DCC: variants seen among roughly 807,000 people sequenced by gnomAD.
The protein encoded by DCC is DCC netrin 1 receptor.
Under a neutral mutation model 172.5 loss-of-function variants are expected in DCC, and 58 were observed. The ratio of observed to expected loss-of-function variants is 0.34; its 90% confidence interval spans 0.27 to 0.42. The LOEUF (loss-of-function observed/expected upper bound fraction) is 0.42, where lower values mean the gene tolerates loss of function less well. Ranked by LOEUF, DCC falls within the 10% of genes least tolerant of loss-of-function variation. The pLI is 1.00. For missense variants in DCC, 1,740 were observed against 1,791.0 expected, an observed-to-expected ratio of 0.97 and a Z score of 0.51; for synonymous variants, 709 against 644.5, an observed-to-expected ratio of 1.10 and a Z score of -1.52.
chr18:52,757,851 G>T (rs144169646), intron 2 of DCC, among the ~76,000 whole-genome samples: 1 of 152,174 alleles, frequency 6.6e-6, no homozygotes, highest in Non-Finnish European at 1.5e-5. Context: ...AAAGCTAAGA[G>T]CTCTATGGCC....
chr18:53,460,641 T>C (rs1364510324), intron 24 of DCC, among the ~76,000 whole-genome samples: 2 of 151,872 alleles, frequency 1.3e-5, no homozygotes, highest in African/African-American at 4.8e-5. Flanking sequence ...TAGTATTCCA[T>C]GGTGTATATG....
chr18:53,051,051 A>G (rs1225290511), intron 5 of DCC, among the ~76,000 whole-genome samples: 2 of 152,076 alleles, frequency 1.3e-5, no homozygotes, highest in Admixed American at 6.6e-5. Flanking sequence ...GCAACATAGT[A>G]GATGCCATCT....
intron 13 of DCC, among the ~76,000 whole-genome samples, chr18:53,315,794 C>T (rs558371510): frequency 7.2e-5 from 11 of 152,088 alleles, no homozygotes; most frequent in Non-Finnish European, 1.3e-4. Context: ...ATATCCATTG[C>T]CCACTTTTTG....
chr18:52,725,007 G>A (rs1448384897), intron 1 of DCC, among the ~76,000 whole-genome samples: 3 of 152,188 alleles, frequency 2.0e-5, no homozygotes, highest in Non-Finnish European at 2.9e-5. Context: ...AGCTAACTAT[G>A]AGGGTTATTT....
At chr18:53,160,705 C>T (rs1019807358) in intron 8 of DCC, among the ~76,000 whole-genome samples, 1 of 152,156 alleles carries the variant, frequency 6.6e-6, no homozygotes, top group African/African-American at 2.4e-5. Context: ...CTCACATACG[C>T]TCCTAATGAT....
At position 53,342,857 on chromosome 18, in the gene DCC, T is replaced by A. The variant is rs967013239; in HGVS notation, c.2359+2950T>A. On this transcript the variant is annotated intron_variant, in intron 15 of 28. Coordinates refer to ENST00000442544, the MANE Select transcript of DCC (RefSeq NM_005215.4). ...TTGAATATTCCTAAATATATATACA[T>A]ATGTATATTATATATATTTGAATTA... Among the ~76,000 whole-genome samples, 5 of 147,744 alleles carry A rather than the reference T, an allele frequency of 3.4e-5. No individual in the cohort carries two copies. The East Asian group carries it at 1.0e-3, about 29-fold the overall frequency.
At chr18:53,225,868 TTTTTC>T (rs2056019721) in intron 12 of DCC, among the ~76,000 whole-genome samples, 1 of 152,038 alleles carries the variant, frequency 6.6e-6, no homozygotes, top group African/African-American at 2.4e-5. Flanking sequence ...CAGTTTGATG[TTTTTC>T]CAGGGAAGAA....
chr18:53,481,161 C>A (rs775452270), intron 25 of DCC: 3 of 152,180 alleles, frequency 2.0e-5, no homozygotes, highest in South Asian at 2.1e-4. Flanking sequence ...GACATACCAT[C>A]ATTTCTGCCA....
chr18:52,900,704 G>A (rs1408964888), intron 2 of DCC, among the ~76,000 whole-genome samples: 1 of 152,160 alleles, frequency 6.6e-6, no homozygotes, highest in Non-Finnish European at 1.5e-5. Flanking sequence ...GTTAATGCAT[G>A]GAGATACAGA....
chr18:52,731,746 T>A (rs1189309826), intron 1 of DCC, among the ~76,000 whole-genome samples: 2 of 152,180 alleles, frequency 1.3e-5, no homozygotes, highest in Non-Finnish European at 2.9e-5. Flanking sequence ...ATTTTCTTCC[T>A]TGTCTTCACA....
chr18:52,641,972 C>T (rs2034900027), intron 1 of DCC, among the ~76,000 whole-genome samples: 1 of 146,934 alleles, frequency 6.8e-6, no homozygotes, highest in South Asian at 2.2e-4. Context: ...ACCCAAATGC[C>T]CATCCATCAA....
chr18:52,504,491 G>A (rs947632269), intron 1 of DCC, among the ~76,000 whole-genome samples: 1 of 152,052 alleles, frequency 6.6e-6, no homozygotes, highest in Admixed American at 6.6e-5. Flanking sequence ...ACAAGCTAGG[G>A]CCTCCTTAGA....
chr18:53,329,538 T>C (rs2057507287), intron 14 of DCC, among the ~76,000 whole-genome samples: 1 of 152,004 alleles, frequency 6.6e-6, no homozygotes, highest in South Asian at 2.1e-4. Flanking sequence ...TAGGACTAAA[T>C]TTAACAAGAT....
chr18:52,370,596 T>C (rs2144296239), intron 1 of DCC, among the ~76,000 whole-genome samples: 1 of 152,198 alleles, frequency 6.6e-6, no homozygotes, highest in Admixed American at 6.5e-5. Context: ...TCAGGAAGAA[T>C]AGCTAACGGA....
chr18:52,993,892 A>G (rs1358292758), intron 5 of DCC, among the ~76,000 whole-genome samples: 2 of 152,016 alleles, frequency 1.3e-5, no homozygotes, highest in African/African-American at 2.4e-5. Context: ...GGATTAAGAT[A>G]AGTAAGGAGT....
intron 12 of DCC, among the ~76,000 whole-genome samples, chr18:53,265,219 C>G (rs2056658915): frequency 6.6e-6 from 1 of 152,188 alleles, no homozygotes; most frequent in Non-Finnish European, 1.5e-5. Context: ...ACTAAGCTCT[C>G]TTAGCTGTAA....
At chr18:52,600,129 G>C (rs2033988004) in intron 1 of DCC, among the ~76,000 whole-genome samples, 1 of 152,102 alleles carries the variant, frequency 6.6e-6, no homozygotes, top group Non-Finnish European at 1.5e-5. Context: ...TTGAAGTGTT[G>C]AAGTTTTGTT....
chr18:52,526,117 A>G (rs1430498569), intron 1 of DCC, among the ~76,000 whole-genome samples: 3 of 152,220 alleles, frequency 2.0e-5, no homozygotes, highest in East Asian at 3.8e-4. Context: ...AGGAAAAGCT[A>G]GGTGTGAGTT....
intron 2 of DCC, among the ~76,000 whole-genome samples, chr18:52,791,701 C>T (rs1251139872): frequency 6.6e-6 from 1 of 152,026 alleles, no homozygotes; most frequent in Non-Finnish European, 1.5e-5. Context: ...GTGACAGTTG[C>T]ATTTAAGCAT....
Sources: gnomAD v4.1 joint callset for allele counts (sites outside exome capture counted in the v4.1 genomes callset) on GRCh38, gnomAD v4.1.1 for gene constraint, MANE v1.5 for transcripts, NCBI Gene and HGNC (gene_info 2026-07-23, HGNC 2026-07-21) for gene names.